The following CS variants were observed in gnomAD, a reference collection of about 807,000 sequenced individuals.
CS encodes the protein citrate synthase, mitochondrial.
A neutral mutation model predicts 61.4 loss-of-function variants in CS; 13 were observed. That is an observed-to-expected ratio of 0.21 (90% confidence interval 0.14 to 0.34). CS has a LOEUF of 0.34. Ranked by LOEUF, CS falls within the 10% of genes least tolerant of loss-of-function variation. The probability of loss-of-function intolerance (pLI) is 1.00; values close to 1 mark genes in which losing one functional copy is unlikely to be tolerated. For missense variants in CS, 278 were observed against 573.4 expected, an observed-to-expected ratio of 0.48 and a Z score of 5.26; for synonymous variants, 159 against 215.2, an observed-to-expected ratio of 0.74 and a Z score of 2.29.
intron 1 of CS, chr12:56,298,685 T>C: frequency 4.1e-6 from 4 of 985,370 alleles, no homozygotes; most frequent in Non-Finnish European, 4.8e-6. Context: ...TACTTGCCAC[T>C]GGGTGCCTGG....
chr12:56,292,691 T>C (rs1355332596), intron 1 of CS, among the ~76,000 whole-genome samples: 2 of 136,718 alleles, frequency 1.5e-5, no homozygotes, highest in African/African-American at 5.6e-5. Flanking sequence ...GAGACCATCC[T>C]GGCTAACAGG....
chr12:56,286,766 A>AT lies in CS; in HGVS notation c.43-122dup, dbSNP rs1228033684. On this transcript the variant is annotated intron_variant, in intron 1 of 10. Coordinates refer to ENST00000351328, the MANE Select transcript of CS (RefSeq NM_004077.3). ...TCTCAGTCTCTTAGGGCAGTTTGAC[A>AT]TAAGAAAGCTGTAAAAGTCCCCAAA... The AT allele has an allele frequency of 3.5e-6, 3 of 859,618 alleles. No individual in the cohort carries two copies. In the South Asian group the frequency reaches 4.5e-5, roughly 13 times the overall value. 53.2% of individuals were successfully genotyped at this position (859,618 alleles called of 1,614,324 possible).
At position 56,276,048 on chromosome 12, in the gene CS, A is replaced by G; in HGVS notation, c.736T>C (p.Tyr246His). 1 of 1,614,198 alleles carries G rather than the reference A, an allele frequency of 6.2e-7. No homozygotes were observed. The highest frequency in any genetic ancestry group is 2.2e-5 in the East Asian group (1 of 44,878). ...WSHNFTNMLG[Y>H]TDHQFTELTR... ...AGCTCAGTGAACTGATGATCAGTAT[A>G]GCCTAACATGTTGGTGAAATTGTGA... Residue 246 changes from tyrosine to histidine, a missense_variant, in exon 7 of 11, where the codon TAT becomes CAT. Physicochemically the swap from Tyr to His is moderately conservative, Grantham distance 83. Transcript: ENST00000351328.
At chr12:56,287,291 C>T (rs1029094963) in intron 1 of CS, among the ~76,000 whole-genome samples, 7 of 151,906 alleles carry the variant, frequency 4.6e-5, no homozygotes, top group African/African-American at 1.7e-4. Flanking sequence ...ACCAGCCTGG[C>T]CAACATGGTG....
intron 3 of CS, among the ~76,000 whole-genome samples, chr12:56,284,170 A>C (rs1872859102): frequency 6.6e-6 from 1 of 151,938 alleles, no homozygotes; most frequent in South Asian, 2.1e-4. Flanking sequence ...AAAATTAAAA[A>C]ATTAGCGGGC....
At chr12:56,281,970 T>C (rs1053249557) in intron 6 of CS, among the ~76,000 whole-genome samples, 9 of 152,220 alleles carry the variant, frequency 5.9e-5, no homozygotes, top group Non-Finnish European at 1.2e-4. Context: ...GTGATTCTTC[T>C]GCCTCAGCCT....
chr12:56,274,896 G>A lies in CS; in HGVS notation c.919-18C>T, dbSNP rs1230865041. On this transcript the variant is annotated intron_variant, in intron 8 of 10. Coordinates refer to ENST00000351328, the MANE Select transcript of CS (RefSeq NM_004077.3). Reference sequence around the variant, plus strand: ...AGCACTTCCTATGGGTAAGGTTTGGGGAAAAAGGGAATGTTAATACATATG... The same window carrying A: ...AGCACTTCCTATGGGTAAGGTTTGGAGAAAAAGGGAATGTTAATACATATG... 6.2e-7 allele frequency: 1 copy of A among 1,603,592 alleles called. No homozygotes were observed. Among genetic ancestry groups the A allele is most frequent in the African/African-American group, 1.3e-5 (1 of 74,408 alleles).
rs1341801813 is a variant in CS at position 56,300,192 on chromosome 12, G to C, written c.10C>G (p.Leu4Val). The change falls in exon 1 of 11, where the codon CTT (leucine) becomes GTT (valine). Residue 4 changes from leucine to valine, a missense_variant. This residue lies in a region of CS where 55 missense variants were observed against 69.9 expected (regional missense o/e 0.79). Coordinates refer to ENST00000351328, the MANE Select transcript of CS (RefSeq NM_004077.3). ...CCCAAGAGCCGGGCGGCCGCAGTAA[G>C]TAAAGCCATGGCGGGCGATCTCCGG... is the stretch of plus-strand genomic sequence containing the variant. MAL[L>V]TAAARLLGTK... 1.3e-6 allele frequency: 2 copies of C among 1,573,374 alleles called. No homozygotes were observed. Among genetic ancestry groups the C allele is most frequent in the South Asian group, 1.2e-5 (1 of 86,234 alleles).
At chr12:56,289,168 C>T (rs1232895950) in intron 1 of CS, among the ~76,000 whole-genome samples, 2 of 152,196 alleles carry the variant, frequency 1.3e-5, no homozygotes, top group Admixed American at 6.5e-5. Flanking sequence ...CCCTTCATAG[C>T]CCTTGCACCC....
At chr12:56,294,989 C>A (rs1434732223) in intron 1 of CS, among the ~76,000 whole-genome samples, 1 of 152,040 alleles carries the variant, frequency 6.6e-6, no homozygotes, top group Non-Finnish European at 1.5e-5. Context: ...TGGTCTCGAA[C>A]TCCTGACCTC....
chr12:56,283,369 G>A (rs939434238), intron 4 of CS, among the ~76,000 whole-genome samples: 3 of 151,894 alleles, frequency 2.0e-5, no homozygotes, highest in African/African-American at 7.3e-5. Context: ...TCAGCCTCCC[G>A]AGTAGCTGGG....
intron 10 of CS, 95 bp from the exon 11 acceptor site, chr12:56,273,349 T>C: frequency 2.3e-6 from 3 of 1,329,082 alleles, no homozygotes; most frequent in Middle Eastern, 3.7e-4. Context: ...AAATTTTCCA[T>C]TTTTCTCCAA....
rs1440204032 is a variant in CS, at chr12:56,282,594, T to A, written c.414A>T (p.Ser138=). The change falls in exon 6 of 11, where the codon TCA becomes TCT. Residue 138 remains serine (S), a synonymous_variant. Coordinates refer to ENST00000351328, the MANE Select transcript of CS (RefSeq NM_004077.3). The part of the protein sequence containing the change: ...IPTEEQVSWL[S]KEWAKRAALP... ...GAGCTGCCCTCTTTGCCCACTCTTT[T>A]GAGAGCCAAGATACCTGTGGAAAAA... 1.9e-6 allele frequency: 3 copies of A among 1,606,270 alleles called. No individual in the cohort carries two copies. Among genetic ancestry groups the A allele is most frequent in the Non-Finnish European group, 2.5e-6 (3 of 1,176,490 alleles).
intron 1 of CS, among the ~76,000 whole-genome samples, chr12:56,297,586 C>T (rs1447819272): frequency 1.3e-5 from 2 of 152,164 alleles, no homozygotes; most frequent in African/African-American, 4.8e-5. Flanking sequence ...ACCTGCTAAC[C>T]CCAGCTACTC....
At chr12:56,286,297 A>G (rs1364270804) in intron 2 of CS, 10 of 538,202 alleles carry the variant, frequency 1.9e-5, no homozygotes, top group African/African-American at 1.7e-4. Context: ...CTGCCACTAA[A>G]CCATATACTT....
chr12:56,289,902 T>C (rs1873063105), intron 1 of CS, among the ~76,000 whole-genome samples: 1 of 152,044 alleles, frequency 6.6e-6, no homozygotes, highest in African/African-American at 2.4e-5. Context: ...CTTTCTGTTT[T>C]GTTTTGTTTT....
intron 1 of CS, among the ~76,000 whole-genome samples, chr12:56,286,892 T>C (rs1029833459): frequency 2.0e-5 from 3 of 152,204 alleles, no homozygotes; most frequent in African/African-American, 7.2e-5. Flanking sequence ...CTCTTTCCCA[T>C]CATCTGGGCT....
intron 7 of CS, 195 bp from the exon 8 acceptor site, chr12:56,275,326 G>A: frequency 1.6e-6 from 1 of 611,370 alleles, no homozygotes; most frequent in Non-Finnish European, 2.8e-6. Flanking sequence ...TATAATCCTA[G>A]CACTTTGGGA....
At chr12:56,289,597 C>T (rs1026686003) in intron 1 of CS, among the ~76,000 whole-genome samples, 1 of 152,048 alleles carries the variant, frequency 6.6e-6, no homozygotes, top group Non-Finnish European at 1.5e-5. Context: ...GCACCCGCCA[C>T]CACGCCTGGC....
Sources: allele counts gnomAD v4.1 joint callset (sites outside exome capture counted in the v4.1 genomes callset), GRCh38; gene constraint gnomAD v4.1.1; regional missense constraint gnomAD v4.1.1; transcripts MANE v1.5; gene names NCBI Gene and HGNC (gene_info 2026-07-23, HGNC 2026-07-21).